Variants in TMTC2 observed in about 807,000 individuals in gnomAD.
The protein encoded by TMTC2 is transmembrane O-mannosyltransferase targeting cadherins 2, also known as protein O-mannosyl-transferase TMTC2.
TMTC2 carries 43 observed loss-of-function variants against 82.4 expected under a neutral mutation model. That is an observed-to-expected ratio of 0.52 (90% CI 0.41 to 0.67). The LOEUF is 0.67. TMTC2 is among the 30% of genes least tolerant of loss of function. The probability of loss-of-function intolerance (pLI) is 0.00; values close to 1 mark genes in which losing one functional copy is unlikely to be tolerated. For missense variants in TMTC2, 919 were observed against 1,012.4 expected, an observed-to-expected ratio of 0.91 and a Z score of 1.25; for synonymous variants, 408 against 381.9, an observed-to-expected ratio of 1.07 and a Z score of -0.80.
chr12:82,812,350 A>G lies in TMTC2; in HGVS notation c.84-44660A>G, dbSNP rs181144314. ...AAACCTTAAGTTCCTTGGGAATTAAAAAAAAGAATCCCATAAGAAGTAAGG... is the reference window on the plus strand; with the variant it reads ...AAACCTTAAGTTCCTTGGGAATTAAGAAAAAGAATCCCATAAGAAGTAAGG... On this transcript the variant is annotated intron_variant, in intron 1 of 11. Transcript: ENST00000321196. Among the ~76,000 whole-genome samples the G allele has an allele frequency of 2.0e-5, 3 of 152,206 alleles. No homozygotes were observed. The East Asian group carries it at 5.8e-4, about 29-fold the overall frequency.
intron 3 of TMTC2, among the ~76,000 whole-genome samples, chr12:82,929,676 A>T (rs1875920143): frequency 6.6e-6 from 1 of 152,104 alleles, no homozygotes. Context: ...ATCTCCTTGT[A>T]GGAAGTAAGA....
chr12:83,015,710 C>T (rs1592695478), intron 8 of TMTC2, among the ~76,000 whole-genome samples: 2 of 152,210 alleles, frequency 1.3e-5, no homozygotes, highest in South Asian at 4.1e-4. Context: ...CACATTTTCT[C>T]TCACTGTCAG....
chr12:83,018,136 C>T (rs1880761626), intron 8 of TMTC2, among the ~76,000 whole-genome samples: 1 of 150,926 alleles, frequency 6.6e-6, no homozygotes, highest in African/African-American at 2.5e-5. Flanking sequence ...CAGCAAGTGG[C>T]ACCCTGCCAG....
intron 8 of TMTC2, among the ~76,000 whole-genome samples, chr12:83,005,176 C>G (rs1880125016): frequency 6.9e-6 from 1 of 144,184 alleles, no homozygotes; most frequent in Non-Finnish European, 1.5e-5. Flanking sequence ...TGCACTCCGG[C>G]CTGGGCGATA....
At chr12:82,887,888 T>C (rs1419284388) in intron 2 of TMTC2, among the ~76,000 whole-genome samples, 3 of 152,122 alleles carry the variant, frequency 2.0e-5, no homozygotes, top group African/African-American at 7.2e-5. Flanking sequence ...GAGACCAGCC[T>C]GACCAACATG....
chr12:82,884,610 A>G (rs1383581615), intron 2 of TMTC2, among the ~76,000 whole-genome samples: 1 of 152,206 alleles, frequency 6.6e-6, no homozygotes, highest in Non-Finnish European at 1.5e-5. Flanking sequence ...AGTAACAACC[A>G]TTTAAAAATT....
At chr12:83,052,776 T>C (rs1452939593) in intron 10 of TMTC2, among the ~76,000 whole-genome samples, 1 of 152,162 alleles carries the variant, frequency 6.6e-6, no homozygotes, top group Non-Finnish European at 1.5e-5. Context: ...TTAGTTGCCT[T>C]AGTGCTAGAA....
intron 11 of TMTC2, among the ~76,000 whole-genome samples, chr12:83,089,810 T>C (rs940339212): frequency 4.0e-5 from 6 of 150,162 alleles, no homozygotes; most frequent in African/African-American, 1.5e-4. Flanking sequence ...TCATGTACAT[T>C]GGCTTGATAA....
Position 82,881,008 on chromosome 12 carries a change from G to A in TMTC2, c.655-14810G>A, listed in dbSNP as rs561284026. ...ACAGTAAATCTTATTTAACTCTGGA[G>A]TTTGTTTTATTGATAATGCTAAAAC... is the stretch of plus-strand genomic sequence containing the variant. On this transcript the variant is annotated intron_variant, in intron 2 of 11. Coordinates refer to ENST00000321196, the MANE Select transcript of TMTC2 (RefSeq NM_152588.3). Among the ~76,000 whole-genome samples, 5 of 152,170 alleles carry A rather than the reference G, an allele frequency of 3.3e-5. No homozygotes were observed. In the South Asian group the frequency reaches 1.0e-3, roughly 32 times the overall value.
rs11115509 is a variant in TMTC2, at chr12:82,989,600, A to C, written c.2070+3554A>C. Among the ~76,000 whole-genome samples, 40 of 152,060 alleles carry C rather than the reference A, an allele frequency of 2.6e-4. No homozygotes were observed. The East Asian group carries it at 7.3e-3, about 28-fold the overall frequency. On this transcript the variant is annotated intron_variant, in intron 8 of 11. Transcript: ENST00000321196. ...AAAAGTTAGAAAAGAAAAAAAAATT[A>C]AACTTAAATTTCCATGATTCTGTAT... is the stretch of plus-strand genomic sequence containing the variant.
chr12:83,084,252 T>C (rs1883571773), intron 11 of TMTC2, among the ~76,000 whole-genome samples: 2 of 152,342 alleles, frequency 1.3e-5, no homozygotes, highest in South Asian at 2.1e-4. Flanking sequence ...ACAGCTATTA[T>C]AGAGTTTTTA....
At chr12:82,949,434 GT>G (rs1592650571) in intron 4 of TMTC2, among the ~76,000 whole-genome samples, 1 of 152,108 alleles carries the variant, frequency 6.6e-6, no homozygotes, top group African/African-American at 2.4e-5. Context: ...AGTCATATTT[GT>G]TTTCATGGGA....
intron 4 of TMTC2, among the ~76,000 whole-genome samples, chr12:82,946,569 G>A (rs1014411841): frequency 4.6e-5 from 7 of 152,206 alleles, no homozygotes; most frequent in Middle Eastern, 3.4e-3. Flanking sequence ...TAAGCTGAGG[G>A]TGTTTCATGG....
chr12:82,911,493 A>G (rs1295270570), intron 3 of TMTC2, among the ~76,000 whole-genome samples: 2 of 152,234 alleles, frequency 1.3e-5, no homozygotes, highest in East Asian at 3.8e-4. Flanking sequence ...TAGGAGGGAC[A>G]TAAATATCAT....
intron 11 of TMTC2, among the ~76,000 whole-genome samples, chr12:83,105,630 T>C (rs1361403120): frequency 6.6e-6 from 1 of 152,124 alleles, no homozygotes; most frequent in Admixed American, 6.5e-5. Flanking sequence ...CACCAAGCCA[T>C]GAGGGATCCA....
At chr12:83,103,815 GACA>G (rs1372083727) in intron 11 of TMTC2, among the ~76,000 whole-genome samples, 3 of 152,116 alleles carry the variant, frequency 2.0e-5, no homozygotes, top group Non-Finnish European at 2.9e-5. Context: ...AATCTCATCT[GACA>G]TAAGTCAAAT....
chr12:83,017,542 T>C (rs1386111669), intron 8 of TMTC2, among the ~76,000 whole-genome samples: 1 of 152,194 alleles, frequency 6.6e-6, no homozygotes, highest in East Asian at 1.9e-4. Context: ...CTGTTTAATT[T>C]CATTCATTAG....
chr12:82,858,860 T>A (rs938821222), intron 2 of TMTC2, among the ~76,000 whole-genome samples: 2 of 152,228 alleles, frequency 1.3e-5, no homozygotes, highest in African/African-American at 4.8e-5. Flanking sequence ...AAATCAATTT[T>A]AATTCTTTCA....
Position 82,857,506 on chromosome 12 carries a change from G to C in TMTC2, c.580G>C (p.Ala194Pro). The change falls in exon 2 of 12, where the codon GCA becomes CCA. Residue 194 changes from alanine to proline, a missense_variant. Coordinates refer to ENST00000321196, the MANE Select transcript of TMTC2 (RefSeq NM_152588.3). ...GAAGGAACAAGGAGTGACTGTTCTC[G>C]CAGTTTCAGCAGTTTATGATGTCTT... ...LWKEQGVTVL[A>P]VSAVYDVFVF... 1 of 1,614,116 alleles carries C rather than the reference G, an allele frequency of 6.2e-7. No individual in the cohort carries two copies. Among genetic ancestry groups the C allele is most frequent in the Non-Finnish European group, 8.5e-7 (1 of 1,180,022 alleles).
Sources: gnomAD v4.1 joint callset for allele counts (sites outside exome capture counted in the v4.1 genomes callset) on GRCh38, gnomAD v4.1.1 for gene constraint, MANE v1.5 for transcripts, NCBI Gene and HGNC (gene_info 2026-07-23, HGNC 2026-07-21) for gene names.